KSR2: variants seen among roughly 807,000 people sequenced by gnomAD.
KSR2 encodes the protein kinase suppressor of ras 2.
Under a neutral mutation model 107.8 loss-of-function variants are expected in KSR2, and 25 were observed. That is an observed-to-expected ratio of 0.23 (90% CI 0.17 to 0.32). The LOEUF (loss-of-function observed/expected upper bound fraction) is 0.32. KSR2 is among the 10% of genes least tolerant of loss of function. The pLI, the probability that KSR2 is intolerant of heterozygous loss-of-function variation, is 1.00. For synonymous variants in KSR2, 480 were observed against 507.0 expected (o/e 0.95, Z 0.71); for missense variants, 887 against 1,268.9 (o/e 0.70, Z 4.57).
chr12:117,752,978 T>A (rs1888660445), intron 4 of KSR2, among the ~76,000 whole-genome samples: 1 of 152,164 alleles, frequency 6.6e-6, no homozygotes, highest in African/African-American at 2.4e-5. Flanking sequence ...ATAACCAGAA[T>A]CCCTGAGATC....
chr12:117,492,762 AAG>A (rs1872812884), intron 14 of KSR2, among the ~76,000 whole-genome samples: 1 of 152,096 alleles, frequency 6.6e-6, no homozygotes, highest in East Asian at 1.9e-4. Flanking sequence ...GGGGAGACAA[AAG>A]AGAGAGGCAG....
intron 7 of KSR2, among the ~76,000 whole-genome samples, chr12:117,574,951 G>A (rs1879181146): frequency 6.6e-6 from 1 of 151,402 alleles, no homozygotes; most frequent in South Asian, 2.1e-4. Context: ...CAGGCTTCGG[G>A]AAGGGCTTTC....
rs924058333 is a variant in KSR2, at chr12:117,699,730, G to A, written c.987-32072C>T. On this transcript the variant is annotated intron_variant, in intron 4 of 19. Coordinates refer to ENST00000339824, the MANE Select transcript of KSR2 (RefSeq NM_173598.6). ...AGTGGTGAATGAATGTGAAGGCCTA[G>A]GACATGACTGTACACTACTGTAGGA... is the stretch of plus-strand genomic sequence containing the variant. Among the ~76,000 whole-genome samples, 3 of 152,146 alleles carry A rather than the reference G, an allele frequency of 2.0e-5. No individual in the cohort carries two copies. The South Asian group carries it at 6.2e-4, about 32-fold the overall frequency.
In KSR2 at chr12:117,968,247, C is replaced by T. The variant is rs1424956367; in HGVS notation, c.9G>A (p.Glu3=). Residue 3 remains glutamate (E), a synonymous_variant, in exon 1 of 20, where the codon GAG becomes GAA. Transcript: ENST00000339824. MD[E]ENMTKSEEQQ... ...GCTCCTCGCTTTTCGTCATGTTTTCCTCATCCATCGCTTGCTCTGCAACCC... is the reference window on the plus strand; with the variant it reads ...GCTCCTCGCTTTTCGTCATGTTTTCTTCATCCATCGCTTGCTCTGCAACCC... 1.9e-6 allele frequency: 3 copies of T among 1,552,128 alleles called. No individual in the cohort carries two copies. The highest frequency in any genetic ancestry group is 2.6e-6 in the Non-Finnish European group (3 of 1,146,998).
At chr12:117,898,411 C>G (rs1566072954) in intron 1 of KSR2, among the ~76,000 whole-genome samples, 3 of 151,248 alleles carry the variant, frequency 2.0e-5, no homozygotes, top group Admixed American at 1.3e-4. Flanking sequence ...AGAACACCTT[C>G]TGGGTTCAAG....
At chr12:117,605,305 A>G (rs1881165612) in intron 5 of KSR2, among the ~76,000 whole-genome samples, 1 of 152,222 alleles carries the variant, frequency 6.6e-6, no homozygotes, top group African/African-American at 2.4e-5. Flanking sequence ...GGCTCCTCCA[A>G]TGTTGCTGCA....
At position 117,761,345 on chromosome 12, in the gene KSR2, C is replaced by A. The variant is rs751023284; in HGVS notation, c.652G>T (p.Ala218Ser). 101 of 1,581,170 alleles carry A rather than the reference C, an allele frequency of 6.4e-5. No individual in the cohort carries two copies. The highest frequency in any genetic ancestry group is 1.7e-4 in the Middle Eastern group (1 of 5,860). The change falls in exon 4 of 20, where the codon GCC becomes TCC. Residue 218 changes from alanine to serine, a missense_variant. Physicochemically the swap from Ala to Ser is moderately conservative, Grantham distance 99 (BLOSUM62 1). Around this residue, in one of 8 missense-constraint regions of KSR2, gnomAD observed 399 missense variants for 479.5 expected, o/e 0.83. Coordinates refer to ENST00000339824, the MANE Select transcript of KSR2 (RefSeq NM_173598.6). ...CTGTCCACGTGGGTGTACACAGGGG[C>A]CCCGGGAGTGGGGCTGGTGTGACAA... is the stretch of plus-strand genomic sequence containing the variant. ...HYCHTSPTPG[A>S]PVYTHVDRLT...
intron 1 of KSR2, among the ~76,000 whole-genome samples, chr12:117,954,593 T>C (rs1040189666): frequency 1.3e-5 from 2 of 152,196 alleles, no homozygotes; most frequent in African/African-American, 2.4e-5. Context: ...AAATGAATGA[T>C]ACATGCAAGG....
At chr12:117,759,674 TCTA>T (rs1888924252) in intron 4 of KSR2, among the ~76,000 whole-genome samples, 1 of 152,202 alleles carries the variant, frequency 6.6e-6, no homozygotes, top group Non-Finnish European at 1.5e-5. Context: ...CATCCACCGT[TCTA>T]CTTTCTGCCT....
chr12:117,936,530 T>TAGTAGTAGTAGTAGTAG (rs1566089629), intron 1 of KSR2, among the ~76,000 whole-genome samples: 4 of 115,278 alleles, frequency 3.5e-5, no homozygotes, highest in Non-Finnish European at 3.7e-5. Flanking sequence ...ATTATTATTA[T>TAGTAGTAGTAGTAGTAG]TATTAGTAGT....
intron 5 of KSR2, among the ~76,000 whole-genome samples, chr12:117,592,442 C>G (rs1880385684): frequency 6.6e-6 from 1 of 152,100 alleles, no homozygotes; most frequent in Non-Finnish European, 1.5e-5. Flanking sequence ...AAGACCACCA[C>G]CACCTGGTGT....
chr12:117,505,620 A>G (rs1873633857), intron 14 of KSR2, among the ~76,000 whole-genome samples: 1 of 152,192 alleles, frequency 6.6e-6, no homozygotes, highest in African/African-American at 2.4e-5. Context: ...AGCACCTGAC[A>G]AGGCTCAACT....
rs1159858596 is a variant in KSR2, at chr12:117,626,591, C to A, written c.1171+40883G>T. Among the ~76,000 whole-genome samples, 4 of 152,176 alleles carry A rather than the reference C, an allele frequency of 2.6e-5. No homozygotes were observed. The South Asian group carries it at 8.3e-4, about 31-fold the overall frequency. The stretch of plus-strand genomic sequence containing the variant: ...GAGACAGTTTGTTGTGATTTCTGTT[C>A]TTTTACATTTGCTAAGGAGTGCTTT... On this transcript the variant is annotated intron_variant, in intron 5 of 19. Transcript: ENST00000339824.
intron 14 of KSR2, chr12:117,517,821 C>A: frequency 2.2e-6 from 1 of 455,992 alleles, no homozygotes. Flanking sequence ...CCCCCAACTC[C>A]TGTACGTTAT....
chr12:117,476,638 G>C, intron 16 of KSR2, 43 bp from the exon 17 acceptor site: 1 of 1,574,176 alleles, frequency 6.4e-7, no homozygotes, highest in South Asian at 1.2e-5. Flanking sequence ...TCATAGCCCA[G>C]GGTGGACCAG....
chr12:117,794,502 A>ACT (rs1890528118), intron 3 of KSR2, among the ~76,000 whole-genome samples: 8 of 119,036 alleles, frequency 6.7e-5, no homozygotes, highest in African/African-American at 2.3e-4. Flanking sequence ...CAACATGCAC[A>ACT]CACAACATGC....
chr12:117,760,953 G>A (rs1888980481), intron 4 of KSR2, 58 bp downstream of exon 4: 2 of 1,603,752 alleles, frequency 1.2e-6, no homozygotes, highest in Non-Finnish European at 8.5e-7. Flanking sequence ...GGGACCAAGG[G>A]GCAGCCCCTC....
intron 1 of KSR2, among the ~76,000 whole-genome samples, chr12:117,917,469 G>A (rs1184836318): frequency 6.6e-6 from 1 of 152,132 alleles, no homozygotes; most frequent in Non-Finnish European, 1.5e-5. Context: ...TTGAGTCCTG[G>A]AGTTTGAGGC....
rs1157772110 is a variant in KSR2, at chr12:117,677,804, C to A, written c.987-10146G>T. On this transcript the variant is annotated intron_variant, in intron 4 of 19. Coordinates refer to ENST00000339824, the MANE Select transcript of KSR2 (RefSeq NM_173598.6). ...TGCTTACCAATGTTGTCTCCAAGGC[C>A]TAGAAAAATGTCTGACGCACAGTGT... is the stretch of plus-strand genomic sequence containing the variant. Among the ~76,000 whole-genome samples the A allele has an allele frequency of 2.6e-5, 4 of 152,140 alleles. No individual in the cohort carries two copies. In the East Asian group the frequency reaches 7.7e-4, roughly 29 times the overall value.
Sources: gnomAD v4.1 joint callset for allele counts (sites outside exome capture counted in the v4.1 genomes callset) on GRCh38, gnomAD v4.1.1 for gene constraint, gnomAD v4.1.1 regional missense constraint, MANE v1.5 for transcripts, NCBI Gene and HGNC (gene_info 2026-07-23, HGNC 2026-07-21) for gene names.